DCHS2: variants seen among roughly 807,000 people sequenced by gnomAD.
DCHS2 encodes dachsous cadherin-related 2, also known as protocadherin-23.
In DCHS2, 142 loss-of-function variants were observed where a neutral mutation model predicts 182.4. The observed-to-expected ratio is 0.78, with a 90% CI of 0.68 to 0.89. The LOEUF is 0.89. Among genes scored for constraint, DCHS2 ranks in the 40% least tolerant of loss-of-function variants. The pLI is 0.00. For synonymous variants in DCHS2, 1,740 were observed against 1,663.3 expected (o/e 1.05, Z -1.12); for missense variants, 4,319 against 4,198.6 (o/e 1.03, Z -0.79).
At chr4:154,389,536 A>ATATATATTTATATATATATGTAT (rs1485000004) in intron 1 of DCHS2, among the ~76,000 whole-genome samples, 1 of 144,532 alleles carries the variant, frequency 6.9e-6, no homozygotes, top group African/African-American at 2.5e-5. Context: ...ATATATATAT[A>ATATATATTTATATATATATGTAT]ACCTTTTTTT....
chr4:154,259,730 A>G lies in DCHS2; in HGVS notation c.6604T>C (p.Phe2202Leu). 1 of 1,613,962 alleles carries G rather than the reference A, an allele frequency of 6.2e-7. No homozygotes were observed. The highest frequency in any genetic ancestry group is 8.5e-7 in the Non-Finnish European group (1 of 1,179,932). Residue 2202 changes from phenylalanine to leucine, a missense_variant, in exon 15 of 20, where the codon TTT becomes CTT. Coordinates refer to ENST00000357232, the MANE Select transcript of DCHS2 (RefSeq NM_001358235.2). ...SGQLTVKEPK[F>L]LDFEVRNEVQ... is the part of the protein sequence containing the mutation. ...TCATTTCTGACTTCAAAATCAAGAA[A>G]CTTGGGTTCTTTCACAGTGAGTTGT...
rs1733151232 is a variant in DCHS2, at chr4:154,422,482, A to G, written c.2053-45038T>C. 2.0e-5 allele frequency among the ~76,000 whole-genome samples: 3 copies of G among 151,984 alleles called. No individual in the cohort carries two copies. In the South Asian group the frequency reaches 6.2e-4, roughly 32 times the overall value. ...CAAAATATATCCTGAAACATCCACTATTCTCCTTCTCTATCAGAACCCTGG... is the reference window on the plus strand; with the variant it reads ...CAAAATATATCCTGAAACATCCACTGTTCTCCTTCTCTATCAGAACCCTGG... On this transcript the variant is annotated intron_variant, in intron 1 of 19. Coordinates refer to ENST00000357232, the MANE Select transcript of DCHS2 (RefSeq NM_001358235.2).
chr4:154,489,276 G>A (rs767265737), intron 1 of DCHS2, 28 bp downstream of exon 1: 22 of 1,465,228 alleles, frequency 1.5e-5, no homozygotes, highest in Non-Finnish European at 2.0e-5. Context: ...CAAGCCTTCA[G>A]GTTGGCCCAC....
At chr4:154,364,802 T>C (rs1730275363) in intron 3 of DCHS2, among the ~76,000 whole-genome samples, 1 of 152,112 alleles carries the variant, frequency 6.6e-6, no homozygotes, top group South Asian at 2.1e-4. Flanking sequence ...AATAAGACAA[T>C]GTACAGAAAA....
chr4:154,280,657 A>G (rs1734087714), intron 13 of DCHS2, among the ~76,000 whole-genome samples: 1 of 152,122 alleles, frequency 6.6e-6, no homozygotes, highest in Non-Finnish European at 1.5e-5. Context: ...GAAAAAGCGT[A>G]TAACAAAATT....
rs1265909619 is a variant in DCHS2 at position 154,234,818 on chromosome 4, G to A, written c.9834C>T (p.Pro3278=). 6.2e-7 allele frequency: 1 copy of A among 1,614,056 alleles called. No homozygotes were observed. Among genetic ancestry groups the A allele is most frequent in the East Asian group, 2.2e-5 (1 of 44,864 alleles). Residue 3278 remains proline (P), a synonymous_variant, in exon 20 of 20, where the codon CCC becomes CCT. Coordinates refer to ENST00000357232, the MANE Select transcript of DCHS2 (RefSeq NM_001358235.2). ...GCTGGGCTACTGCTGTTATCAAAGG[G>A]GGTGGAAAAACAAAAGATTTCTTCT... ...PKEKKSFVFP[P]PLITAVAQPG...
At chr4:154,448,376 C>A (rs1734392847) in intron 1 of DCHS2, among the ~76,000 whole-genome samples, 1 of 152,146 alleles carries the variant, frequency 6.6e-6, no homozygotes, top group Non-Finnish European at 1.5e-5. Flanking sequence ...GATGTATGAT[C>A]TTTTCCCCTT....
intron 3 of DCHS2, among the ~76,000 whole-genome samples, chr4:154,341,237 C>T (rs1340116690): frequency 4.0e-5 from 6 of 151,786 alleles, no homozygotes; most frequent in Admixed American, 2.0e-4. Flanking sequence ...GGCGTGGTGG[C>T]GGGCGCCTGC....
At chr4:154,343,788 C>A in intron 3 of DCHS2, 1 of 866,784 alleles carries the variant, frequency 1.2e-6, no homozygotes, top group Non-Finnish European at 1.5e-6. Context: ...TTTTTCTGTT[C>A]ACTGGAGTAT....
chr4:154,240,413 A>T, intron 18 of DCHS2, 124 bp downstream of exon 18: 1 of 1,181,664 alleles, frequency 8.5e-7, no homozygotes, highest in Non-Finnish European at 1.2e-6. Context: ...CGCAGCGTTA[A>T]CTTAGGCACT....
intron 1 of DCHS2, among the ~76,000 whole-genome samples, chr4:154,407,653 C>T (rs1453731793): frequency 6.6e-6 from 1 of 152,138 alleles, no homozygotes; most frequent in Non-Finnish European, 1.5e-5. Flanking sequence ...TGAAAATCCC[C>T]CACTATGCCA....
rs114018744 is a variant in DCHS2, at chr4:154,404,923, C to T, written c.2053-27479G>A. ...TGTGTTTCCCCTACCTTCACTCACA[C>T]CTCTACCCCCAGAGTCCACCCACTT... is the stretch of plus-strand genomic sequence containing the variant. On this transcript the variant is annotated intron_variant, in intron 1 of 19. Transcript: ENST00000357232. Among the ~76,000 whole-genome samples the T allele has an allele frequency of 3.2e-3, 486 of 152,306 alleles. 2 individuals carry two copies. The highest frequency in any genetic ancestry group is 0.011 in the African/African-American group (460 of 41,568).
chr4:154,292,458 T>C (rs1734711580), intron 13 of DCHS2, among the ~76,000 whole-genome samples: 1 of 152,202 alleles, frequency 6.6e-6, no homozygotes, highest in African/African-American at 2.4e-5. Context: ...CATTTAGCTA[T>C]GAAGAATTCC....
At chr4:154,442,721 C>T (rs962269894) in intron 1 of DCHS2, among the ~76,000 whole-genome samples, 8 of 152,080 alleles carry the variant, frequency 5.3e-5, no homozygotes, top group Non-Finnish European at 8.8e-5. Context: ...CTTTAAGGCA[C>T]ATGTCATCAG....
In DCHS2 at chr4:154,366,200, G is replaced by C; in HGVS notation, c.2476+10C>G. ...AGCCAAAGGATGAAAACTGTTCCAA[G>C]ATCACATACCTGTGGTGGAGTCAAT... On this transcript the variant is annotated intron_variant, in intron 3 of 19. Coordinates refer to ENST00000357232, the MANE Select transcript of DCHS2 (RefSeq NM_001358235.2). The C allele has an allele frequency of 6.2e-7, 1 of 1,602,500 alleles. No individual in the cohort carries two copies. The highest frequency in any genetic ancestry group is 1.1e-5 in the South Asian group (1 of 90,818).
Position 154,359,341 on chromosome 4 carries a change from A to G in DCHS2, c.2476+6869T>C, listed in dbSNP as rs138847921. Among the ~76,000 whole-genome samples, 970 of 152,172 alleles carry G rather than the reference A, an allele frequency of 6.4e-3. 13 individuals are homozygous for G. Among genetic ancestry groups the G allele is most frequent in the African/African-American group, 0.022 (916 of 41,556 alleles). On this transcript the variant is annotated intron_variant, in intron 3 of 19. Transcript: ENST00000357232. The stretch of plus-strand genomic sequence containing the variant: ...AACTTAAAGATATATATATACGTAC[A>G]TAATCATGCTCTTCTACTAACTAAG...
chr4:154,446,502 A>G (rs1214270262), intron 1 of DCHS2, among the ~76,000 whole-genome samples: 3 of 152,200 alleles, frequency 2.0e-5, no homozygotes, highest in Non-Finnish European at 4.4e-5. Flanking sequence ...TACACAGTAT[A>G]CTATTTAATC....
intron 1 of DCHS2, among the ~76,000 whole-genome samples, chr4:154,467,602 A>C (rs1391397498): frequency 6.6e-6 from 1 of 152,194 alleles, no homozygotes; most frequent in Non-Finnish European, 1.5e-5. Context: ...TTTACCAAGA[A>C]CAAAGAGGTA....
chr4:154,453,443 T>A (rs992656363), intron 1 of DCHS2, among the ~76,000 whole-genome samples: 3 of 152,036 alleles, frequency 2.0e-5, no homozygotes, highest in Non-Finnish European at 4.4e-5. Flanking sequence ...ATCTTCAGAG[T>A]ATCCAGCAGT....
Sources: allele counts gnomAD v4.1 joint callset (sites outside exome capture counted in the v4.1 genomes callset), GRCh38; gene constraint gnomAD v4.1.1; transcripts MANE v1.5; gene names NCBI Gene and HGNC (gene_info 2026-07-23, HGNC 2026-07-21).